CSMD1: variants seen among roughly 807,000 people sequenced by gnomAD.
CSMD1 encodes the protein CUB and sushi domain-containing protein 1.
In CSMD1, 213 loss-of-function variants were observed where a neutral mutation model predicts 417.5. The ratio of observed to expected loss-of-function variants is 0.51; its 90% CI spans 0.46 to 0.57. The LOEUF (loss-of-function observed/expected upper bound fraction) is 0.57, where lower values mean the gene tolerates loss of function less well. Ranked by LOEUF, CSMD1 falls within the 20% of genes least tolerant of loss-of-function variation. CSMD1 has a pLI of 0.00. For synonymous variants in CSMD1, 2,862 were observed against 1,736.8 expected (o/e 1.65, Z -16.11); for missense variants, 6,923 against 4,529.7 (o/e 1.53, Z -15.17).
At chr8:3,246,078 C>T (rs997808240) in intron 26 of CSMD1, among the ~76,000 whole-genome samples, 4 of 152,152 alleles carry the variant, frequency 2.6e-5, no homozygotes, top group South Asian at 2.1e-4. Flanking sequence ...AATCCATTCT[C>T]TGCACTGCAT....
chr8:4,878,918 G>A (rs1485445903), intron 1 of CSMD1, among the ~76,000 whole-genome samples: 1 of 151,164 alleles, frequency 6.6e-6, no homozygotes, highest in African/African-American at 2.4e-5. Context: ...AGAACGACAA[G>A]GTGAAGAGGA....
chr8:4,633,392 G>C (rs991492344), intron 2 of CSMD1, among the ~76,000 whole-genome samples: 5 of 151,502 alleles, frequency 3.3e-5, no homozygotes, highest in African/African-American at 7.3e-5. Context: ...GACTACAGGC[G>C]CCCACCACCA....
At chr8:3,450,776 C>A (rs1363039497) in intron 12 of CSMD1, among the ~76,000 whole-genome samples, 2 of 151,978 alleles carry the variant, frequency 1.3e-5, no homozygotes, top group African/African-American at 4.8e-5. Context: ...AGTAAACATA[C>A]GTGTGCATGT....
At chr8:3,671,949 C>A (rs950608680) in intron 7 of CSMD1, among the ~76,000 whole-genome samples, 1 of 152,016 alleles carries the variant, frequency 6.6e-6, no homozygotes, top group Non-Finnish European at 1.5e-5. Context: ...AGAAAGTTTT[C>A]GACCACACAT....
chr8:3,055,129 T>C (rs1338856211), intron 49 of CSMD1, among the ~76,000 whole-genome samples: 1 of 152,190 alleles, frequency 6.6e-6, no homozygotes, highest in East Asian at 1.9e-4. Flanking sequence ...GACATTTTTC[T>C]ATCGGACGAA....
At chr8:3,750,611 T>C (rs2720853) in intron 6 of CSMD1, among the ~76,000 whole-genome samples, 28,537 of 152,114 alleles carry the variant, frequency 0.19, 3,425 homozygotes, top group African/African-American at 0.34. Flanking sequence ...TCATGCTTTT[T>C]AATCTCGGTA....
At chr8:3,540,355 G>C (rs116291261) in intron 10 of CSMD1, among the ~76,000 whole-genome samples, 1,783 of 152,156 alleles carry the variant, frequency 0.012, 41 homozygotes, top group African/African-American at 0.04. Flanking sequence ...GCCCTATACA[G>C]AATCTCCTTT....
At chr8:3,452,148 A>AT (rs1244803572) in intron 12 of CSMD1, among the ~76,000 whole-genome samples, 1 of 152,090 alleles carries the variant, frequency 6.6e-6, no homozygotes, top group Non-Finnish European at 1.5e-5. Context: ...AATGCTTGTG[A>AT]TTTTTGCACA....
At chr8:4,622,039 A>T (rs1381845643) in intron 2 of CSMD1, among the ~76,000 whole-genome samples, 1 of 152,136 alleles carries the variant, frequency 6.6e-6, no homozygotes, top group Non-Finnish European at 1.5e-5. Flanking sequence ...GCAGATAAAG[A>T]ACATTTGTGA....
At position 3,935,547 on chromosome 8, in the gene CSMD1, C is replaced by T. The variant is rs561857798; in HGVS notation, c.818+62356G>A. Among the ~76,000 whole-genome samples the T allele has an allele frequency of 2.6e-5, 4 of 152,230 alleles. No individual in the cohort carries two copies. In the East Asian group the frequency reaches 7.7e-4, roughly 29 times the overall value. On this transcript the variant is annotated intron_variant, in intron 5 of 69. Transcript: ENST00000635120. ...TTGGTAACTTTCATAATAACCCAGGCTTCTAGGTATATGATTGTACTTGCT... is the reference window on the plus strand; with the variant it reads ...TTGGTAACTTTCATAATAACCCAGGTTTCTAGGTATATGATTGTACTTGCT...
At chr8:4,557,712 A>G (rs1398478024) in intron 2 of CSMD1, among the ~76,000 whole-genome samples, 1 of 152,150 alleles carries the variant, frequency 6.6e-6, no homozygotes, top group East Asian at 1.9e-4. Context: ...GGTCAGATTT[A>G]ATAAATTTCT....
rs1182025192 is a variant in CSMD1, at chr8:3,573,523, T to C, written c.1344+1422A>G. Among the ~76,000 whole-genome samples the C allele has an allele frequency of 2.0e-5, 3 of 152,256 alleles. No homozygotes were observed. In the East Asian group the frequency reaches 5.8e-4, roughly 29 times the overall value. ...CAGAAAGCCTGCAACGCCCTGGAGT[T>C]TTACCCAGCTCTGCTCATTAAAGCT... On this transcript the variant is annotated intron_variant, in intron 10 of 69. Transcript: ENST00000635120.
At chr8:2,975,046 C>T (rs774858108) in intron 55 of CSMD1, among the ~76,000 whole-genome samples, 1 of 152,138 alleles carries the variant, frequency 6.6e-6, no homozygotes, top group Non-Finnish European at 1.5e-5. Context: ...TCTTTGCTTG[C>T]GGACATGATT....
intron 3 of CSMD1, among the ~76,000 whole-genome samples, chr8:4,168,989 C>A (rs748762975): frequency 3.3e-5 from 5 of 152,116 alleles, no homozygotes; most frequent in African/African-American, 1.2e-4. Flanking sequence ...CCTCATTTTC[C>A]TACTATCTTA....
At chr8:4,736,205 G>T (rs1363440175) in intron 1 of CSMD1, among the ~76,000 whole-genome samples, 3 of 152,082 alleles carry the variant, frequency 2.0e-5, no homozygotes, top group Admixed American at 2.0e-4. Context: ...ATCTGTGCAG[G>T]ACAGGGAAAA....
At chr8:3,677,038 C>A (rs930508904) in intron 7 of CSMD1, among the ~76,000 whole-genome samples, 2 of 151,944 alleles carry the variant, frequency 1.3e-5, no homozygotes, top group African/African-American at 4.8e-5. Flanking sequence ...AGCATTAGAA[C>A]AAATACCTAA....
intron 1 of CSMD1, among the ~76,000 whole-genome samples, chr8:4,889,690 G>A (rs1803981092): frequency 1.3e-5 from 2 of 152,018 alleles, no homozygotes; most frequent in South Asian, 2.1e-4. Flanking sequence ...AAAACAGTAA[G>A]TAAAGGTAAT....
At chr8:4,395,750 G>C (rs1804159610) in intron 3 of CSMD1, among the ~76,000 whole-genome samples, 2 of 147,354 alleles carry the variant, frequency 1.4e-5, no homozygotes, top group Non-Finnish European at 3.0e-5. Flanking sequence ...TGCTGTGTAA[G>C]CATTTGTAAA....
intron 3 of CSMD1, among the ~76,000 whole-genome samples, chr8:4,185,092 T>A (rs1169810961): frequency 7.8e-6 from 1 of 128,442 alleles, no homozygotes. Flanking sequence ...TGAGCCAAGA[T>A]CGCACCACTG....
Sources: allele counts gnomAD v4.1 joint callset (sites outside exome capture counted in the v4.1 genomes callset), GRCh38; gene constraint gnomAD v4.1.1; transcripts MANE v1.5; gene names NCBI Gene and HGNC (gene_info 2026-07-23, HGNC 2026-07-21).